CNTN4: variants seen among roughly 807,000 people sequenced by gnomAD.
CNTN4 encodes contactin 4.
A neutral mutation model predicts 122.5 loss-of-function variants in CNTN4; 77 were observed. The observed-to-expected ratio is 0.63, with a 90% CI of 0.52 to 0.76. The LOEUF (loss-of-function observed/expected upper bound fraction) is 0.76, where lower values mean the gene tolerates loss of function less well. Ranked by LOEUF, CNTN4 falls within the 30% of genes least tolerant of loss-of-function variation. CNTN4 has a pLI of 0.00. For missense variants in CNTN4, 1,256 were observed against 1,259.1 expected (o/e 1.00, Z 0.04); for synonymous variants, 512 against 447.0 (o/e 1.15, Z -1.83).
At chr3:2,643,650 C>G (rs1162519046) in intron 4 of CNTN4, among the ~76,000 whole-genome samples, 2 of 152,096 alleles carry the variant, frequency 1.3e-5, no homozygotes, top group Non-Finnish European at 1.5e-5. Flanking sequence ...GACACATAAA[C>G]AAGCCAACAT....
chr3:2,764,166 C>G (rs1216706148), intron 6 of CNTN4, among the ~76,000 whole-genome samples: 1 of 152,130 alleles, frequency 6.6e-6, no homozygotes, highest in African/African-American at 2.4e-5. Context: ...AGTCCCTCAT[C>G]TTAACTAGTT....
chr3:2,520,531 C>A (rs973153516), intron 3 of CNTN4, among the ~76,000 whole-genome samples: 1 of 151,946 alleles, frequency 6.6e-6, no homozygotes, highest in Non-Finnish European at 1.5e-5. Context: ...ACCTCTGCCT[C>A]CCAAAATGCT....
chr3:2,827,321 T>C (rs2093007698), intron 7 of CNTN4, among the ~76,000 whole-genome samples: 2 of 152,236 alleles, frequency 1.3e-5, no homozygotes, highest in South Asian at 4.1e-4. Context: ...ATCTTTGTTC[T>C]GTAAACTTTT....
intron 3 of CNTN4, among the ~76,000 whole-genome samples, chr3:2,393,170 A>T (rs1403060513): frequency 6.6e-6 from 1 of 152,072 alleles, no homozygotes; most frequent in Non-Finnish European, 1.5e-5. Context: ...TCATTTTCAC[A>T]TGGTGTTCTG....
intron 3 of CNTN4, among the ~76,000 whole-genome samples, chr3:2,463,001 A>G (rs778572852): frequency 5.9e-5 from 9 of 152,180 alleles, no homozygotes; most frequent in Non-Finnish European, 8.8e-5. Flanking sequence ...AGCTATAACA[A>G]TGTTTCTGAG....
chr3:2,956,339 A>G (rs1467792718), intron 13 of CNTN4, among the ~76,000 whole-genome samples: 1 of 152,150 alleles, frequency 6.6e-6, no homozygotes, highest in Admixed American at 6.5e-5. Context: ...AGAGATGATG[A>G]AAAAGTTCTG....
At chr3:2,706,023 C>T (rs1001278043) in intron 4 of CNTN4, among the ~76,000 whole-genome samples, 9 of 135,702 alleles carry the variant, frequency 6.6e-5, no homozygotes, top group Admixed American at 2.4e-4. Context: ...TATAAATATA[C>T]ATATTTATAT....
At chr3:2,242,029 G>A (rs2039961271) in intron 2 of CNTN4, among the ~76,000 whole-genome samples, 1 of 152,092 alleles carries the variant, frequency 6.6e-6, no homozygotes, top group Admixed American at 6.6e-5. Context: ...GTCTGCATCT[G>A]CATACATGGT....
chr3:2,139,416 C>T (rs2034877077), intron 2 of CNTN4, among the ~76,000 whole-genome samples: 1 of 152,190 alleles, frequency 6.6e-6, no homozygotes, highest in South Asian at 2.1e-4. Context: ...AATGACTTCA[C>T]ATACATTGGA....
chr3:2,327,818 T>C (rs2043523745), intron 2 of CNTN4, among the ~76,000 whole-genome samples: 1 of 152,178 alleles, frequency 6.6e-6, no homozygotes, highest in Non-Finnish European at 1.5e-5. Flanking sequence ...TAGAATCTCC[T>C]GTTTCATATA....
intron 2 of CNTN4, among the ~76,000 whole-genome samples, chr3:2,169,644 G>C (rs539838333): frequency 6.6e-6 from 1 of 151,856 alleles, no homozygotes; most frequent in Non-Finnish European, 1.5e-5. Context: ...TGATCCACCC[G>C]CCTCCGCCTC....
intron 3 of CNTN4, among the ~76,000 whole-genome samples, chr3:2,398,912 G>A (rs545842341): frequency 8.2e-4 from 125 of 152,204 alleles, no homozygotes; most frequent in African/African-American, 2.8e-3. Context: ...GAATATGGAG[G>A]CTCAGGCGTT....
At chr3:2,391,641 T>C (rs1340110621) in intron 3 of CNTN4, among the ~76,000 whole-genome samples, 1 of 152,194 alleles carries the variant, frequency 6.6e-6, no homozygotes, top group Non-Finnish European at 1.5e-5. Flanking sequence ...GATGTTTATA[T>C]GTAATGCCAA....
intron 8 of CNTN4, among the ~76,000 whole-genome samples, chr3:2,867,642 A>G (rs1008034619): frequency 2.0e-5 from 3 of 151,858 alleles, no homozygotes; most frequent in Non-Finnish European, 4.4e-5. Context: ...CCATCCTCTC[A>G]GCTTCTCCCT....
chr3:2,829,508 A>G (rs1440961483), intron 7 of CNTN4, among the ~76,000 whole-genome samples: 1 of 152,220 alleles, frequency 6.6e-6, no homozygotes, highest in Non-Finnish European at 1.5e-5. Context: ...TGGCATGTCT[A>G]CAGGAGTGAC....
chr3:2,933,701 T>C (rs185481194), intron 13 of CNTN4, among the ~76,000 whole-genome samples: 1 of 152,328 alleles, frequency 6.6e-6, no homozygotes, highest in African/African-American at 2.4e-5. Context: ...ATATGTTTTA[T>C]TCCGTTCTTT....
chr3:2,648,513 CTGTTTTGGG>C (rs564089852), intron 4 of CNTN4, among the ~76,000 whole-genome samples: 120 of 152,192 alleles, frequency 7.9e-4, no homozygotes, highest in African/African-American at 2.5e-3. Flanking sequence ...ACCATTGTAA[CTGTTTTGGG>C]ATACCATGAA....
intron 3 of CNTN4, among the ~76,000 whole-genome samples, chr3:2,450,477 G>C (rs1575658703): frequency 6.6e-6 from 1 of 152,170 alleles, no homozygotes; most frequent in Non-Finnish European, 1.5e-5. Flanking sequence ...CTTGTTTAAA[G>C]ATTTTTGAAG....
At chr3:2,690,882 CAG>C in intron 4 of CNTN4, among the ~76,000 whole-genome samples, 1 of 152,280 alleles carries the variant, frequency 6.6e-6, no homozygotes, top group African/African-American at 2.4e-5. Context: ...GCTATAGGTG[CAG>C]AGAGTTGAAT....
Sources: allele counts gnomAD v4.1 joint callset (sites outside exome capture counted in the v4.1 genomes callset), GRCh38; gene constraint gnomAD v4.1.1; transcripts MANE v1.5; gene names NCBI Gene and HGNC (gene_info 2026-07-23, HGNC 2026-07-21).